MAPK9: variants seen among roughly 807,000 people sequenced by gnomAD.
MAPK9 encodes Jun kinase.
A neutral mutation model predicts 57.1 loss-of-function variants in MAPK9; 30 were observed. The ratio of observed to expected loss-of-function variants is 0.53; its 90% CI spans 0.39 to 0.71. The LOEUF is 0.71. Among genes scored for constraint, MAPK9 ranks in the 30% least tolerant of loss-of-function variants. MAPK9 has a pLI of 0.00. For missense variants in MAPK9, 362 were observed against 521.0 expected (o/e 0.69, Z 2.97); for synonymous variants, 155 against 177.0 (o/e 0.88, Z 0.99).
At chr5:180,287,350 G>C (rs1046073690) in intron 1 of MAPK9, among the ~76,000 whole-genome samples, 1 of 152,132 alleles carries the variant, frequency 6.6e-6, no homozygotes, top group African/African-American at 2.4e-5. Flanking sequence ...CTGGGGGAAG[G>C]GTACTGGGAC....
intron 1 of MAPK9, among the ~76,000 whole-genome samples, chr5:180,283,841 C>G (rs1211268445): frequency 6.6e-6 from 1 of 152,156 alleles, no homozygotes; most frequent in African/African-American, 2.4e-5. Context: ...GAGGCTGATG[C>G]AGGAGAATCA....
At chr5:180,250,535 C>T (rs1022041958) in intron 5 of MAPK9, among the ~76,000 whole-genome samples, 2 of 152,100 alleles carry the variant, frequency 1.3e-5, no homozygotes, top group African/African-American at 4.8e-5. Context: ...TAGCACCTGC[C>T]TGTAAGACAC....
At chr5:180,276,017 G>A (rs906376530) in intron 2 of MAPK9, among the ~76,000 whole-genome samples, 1 of 152,166 alleles carries the variant, frequency 6.6e-6, no homozygotes, top group African/African-American at 2.4e-5. Context: ...TTTTACAGGT[G>A]AAAATATTGA....
intron 4 of MAPK9, among the ~76,000 whole-genome samples, chr5:180,262,075 CCTA>C (rs1211606187): frequency 6.6e-6 from 1 of 151,952 alleles, no homozygotes; most frequent in Non-Finnish European, 1.5e-5. Context: ...CACAAATTTT[CCTA>C]CTTCTTACAT....
At chr5:180,273,234 CTGT>C (rs1336965575) in intron 2 of MAPK9, among the ~76,000 whole-genome samples, 7 of 152,168 alleles carry the variant, frequency 4.6e-5, no homozygotes, top group Non-Finnish European at 7.4e-5. Flanking sequence ...ATCTTCTTGA[CTGT>C]TGTTCTTTAC....
At chr5:180,277,017 C>T (rs1358293391) in intron 2 of MAPK9, among the ~76,000 whole-genome samples, 2 of 152,168 alleles carry the variant, frequency 1.3e-5, no homozygotes, top group Non-Finnish European at 2.9e-5. Flanking sequence ...TCCATTTAAT[C>T]CTGTACAGGT....
chr5:180,242,664 G>C lies in MAPK9; in HGVS notation c.780C>G (p.Val260=). The C allele has an allele frequency of 6.2e-7, 1 of 1,614,092 alleles. No homozygotes were observed. Among genetic ancestry groups the C allele is most frequent in the South Asian group, 1.1e-5 (1 of 91,078 alleles). The change falls in exon 8 of 12, where the codon GTC becomes GTG. Residue 260 remains valine (V), a synonymous_variant. Coordinates refer to ENST00000452135, the MANE Select transcript of MAPK9 (RefSeq NM_002752.5). ...TTCCAGGATACTTTGGTCTGTTTTC[G>C]ACATAATTCCTCACAGTTGGCTGAA... ...KKLQPTVRNY[V]ENRPKYPGIK...
At chr5:180,260,851 C>A (rs1035334984) in intron 5 of MAPK9, among the ~76,000 whole-genome samples, 15 of 152,064 alleles carry the variant, frequency 9.9e-5, no homozygotes, top group Admixed American at 5.2e-4. Flanking sequence ...TACATCAATT[C>A]CATCTTTCTT....
rs780565938 is a variant in MAPK9, at chr5:180,264,798, T to C, written c.294A>G (p.Leu98=). 7.0e-6 allele frequency: 11 copies of C among 1,568,430 alleles called. No individual in the cohort carries two copies. The South Asian group carries it at 1.3e-4, about 19-fold the overall frequency. ...ATACTTACACATCTTGAAATTCTTC[T>C]AGAGTTTTTTGTGGTGTAAACACAT... ...LLNVFTPQKT[L]EEFQDVYLVM... Residue 98 remains leucine, a synonymous_variant, in exon 4 of 12, where the codon CTA becomes CTG. Transcript: ENST00000452135.
At chr5:180,274,637 C>T (rs941107313) in intron 2 of MAPK9, among the ~76,000 whole-genome samples, 3 of 152,192 alleles carry the variant, frequency 2.0e-5, no homozygotes, top group African/African-American at 7.2e-5. Context: ...CCTTCCAGAA[C>T]CTCCATCTGT....
intron 8 of MAPK9, among the ~76,000 whole-genome samples, chr5:180,241,365 T>C (rs1757643181): frequency 1.3e-5 from 2 of 151,956 alleles, no homozygotes; most frequent in South Asian, 4.2e-4. Context: ...TGGCGCAATC[T>C]TGGCTCACTG....
At chr5:180,238,601 TCTTC>T (rs1355316359) in intron 10 of MAPK9, among the ~76,000 whole-genome samples, 198 bp from the exon 11 acceptor site, 2 of 139,158 alleles carry the variant, frequency 1.4e-5, no homozygotes, top group South Asian at 4.5e-4. Context: ...TTTCTTTTCT[TCTTC>T]TTCTTTTTTT....
intron 6 of MAPK9, among the ~76,000 whole-genome samples, chr5:180,248,488 T>C (rs185772446): frequency 9.2e-5 from 14 of 152,396 alleles, no homozygotes; most frequent in Admixed American, 7.8e-4. Flanking sequence ...TAGAATAAGC[T>C]AAGTTTTGAT....
At chr5:180,267,158 T>A (rs1420082635) in intron 3 of MAPK9, among the ~76,000 whole-genome samples, 3 of 152,238 alleles carry the variant, frequency 2.0e-5, no homozygotes, top group African/African-American at 4.8e-5. Flanking sequence ...AAACTGTTAA[T>A]GCTAGTAATC....
rs188973982 is a variant in MAPK9, at chr5:180,264,924, G to A, written c.253-85C>T. The A allele has an allele frequency of 1.7e-5, 19 of 1,117,616 alleles. No individual in the cohort carries two copies. In the Admixed American group the frequency reaches 3.3e-4, roughly 20 times the overall value. The allele number at this position is 1,117,616 out of a possible 1,614,324, so 69.2% of individuals were successfully genotyped here. Reference sequence around the variant, plus strand: ...GTTTAATATTGAAATGCATTAAGACGGGAAAAAAATCACAGCAGAATTCAG... The same window carrying A: ...GTTTAATATTGAAATGCATTAAGACAGGAAAAAAATCACAGCAGAATTCAG... On this transcript the variant is annotated intron_variant, in intron 3 of 11. Coordinates refer to ENST00000452135, the MANE Select transcript of MAPK9 (RefSeq NM_002752.5).
intron 7 of MAPK9, among the ~76,000 whole-genome samples, chr5:180,244,379 T>C (rs189130396): frequency 2.7e-4 from 41 of 152,254 alleles, no homozygotes; most frequent in African/African-American, 8.9e-4. Flanking sequence ...TTCCACCACG[T>C]TGGTAAATGA....
intron 7 of MAPK9, among the ~76,000 whole-genome samples, chr5:180,245,757 G>A (rs1034637854): frequency 1.3e-5 from 2 of 152,180 alleles, no homozygotes; most frequent in Non-Finnish European, 2.9e-5. Context: ...GCTGGGGCCC[G>A]AGGTGGCCGG....
At chr5:180,291,734 C>T (rs1763269572) in intron 1 of MAPK9, 114 bp downstream of exon 1, 1 of 149,888 alleles carries the variant, frequency 6.7e-6, no homozygotes, top group South Asian at 2.1e-4. Flanking sequence ...CTGCCAGGGC[C>T]CCGCAGCCCC....
At chr5:180,264,721 T>C (rs1228961377) in intron 4 of MAPK9, 60 bp downstream of exon 4, 3 of 1,448,156 alleles carry the variant, frequency 2.1e-6, no homozygotes, top group Non-Finnish European at 2.8e-6. Flanking sequence ...GCAGTTGCTG[T>C]CTTTTCTAGA....
Sources: allele counts gnomAD v4.1 joint callset (sites outside exome capture counted in the v4.1 genomes callset), GRCh38; gene constraint gnomAD v4.1.1; transcripts MANE v1.5; gene names NCBI Gene and HGNC (gene_info 2026-07-23, HGNC 2026-07-21).